The following GON4L variants were observed in gnomAD, a reference collection of about 807,000 sequenced individuals.
GON4L encodes GON-4-like protein.
A neutral mutation model predicts 211.8 loss-of-function variants in GON4L; 87 were observed. That is an observed-to-expected ratio of 0.41 (90% CI 0.35 to 0.49). GON4L has a LOEUF of 0.49. GON4L is among the 20% of genes least tolerant of loss of function. The pLI is 0.15. For missense variants in GON4L, 2,155 were observed against 2,659.5 expected (o/e 0.81, Z 4.17); for synonymous variants, 875 against 962.6 (o/e 0.91, Z 1.68).
At chr1:155,783,962 T>C in intron 14 of GON4L, 24 bp downstream of exon 14, 1 of 1,612,596 alleles carries the variant, frequency 6.2e-7, no homozygotes, top group Non-Finnish European at 8.5e-7. Context: ...CTATTCCAAA[T>C]CTCAAGGTCT....
At chr1:155,748,723 C>A (rs1398690917), downstream of GON4L, 1 of 1,614,032 alleles carries the variant, frequency 6.2e-7, no homozygotes, top group Non-Finnish European at 8.5e-7. Flanking sequence ...TGTGGGGAGC[C>A]TTCTGGAACA....
rs902471149 is a variant in GON4L, at chr1:155,776,431, G to A, written c.2142C>T (p.Asn714=). Residue 714 remains asparagine, a synonymous_variant, in exon 16 of 32, where the codon AAC becomes AAT. Transcript: ENST00000368331. The part of the protein sequence containing the change: ...QIHLLATCNP[N]LNPEATTTRI... ...TGGTGGTAGTGGCCTCCGGATTGAG[G>A]TTGGGGTTGCAGGTGGCAAGAAGGT... The A allele has an allele frequency of 6.2e-7, 1 of 1,613,258 alleles. No individual in the cohort carries two copies. The highest frequency in any genetic ancestry group is 1.7e-5 in the Admixed American group (1 of 60,004).
chr1:155,794,705 T>C (rs549762906), intron 12 of GON4L, among the ~76,000 whole-genome samples: 1 of 152,342 alleles, frequency 6.6e-6, no homozygotes, highest in East Asian at 1.9e-4. Flanking sequence ...TTATACCTTA[T>C]GTAAAACCTG....
At chr1:155,776,581 C>T in intron 15 of GON4L, 100 bp from the exon 16 acceptor site, 2 of 923,012 alleles carry the variant, frequency 2.2e-6, no homozygotes, top group Non-Finnish European at 3.5e-6. Context: ...GAAAGGATCT[C>T]TCTCTGTCAC....
chr1:155,833,577 T>C (rs1455851512), intron 2 of GON4L, among the ~76,000 whole-genome samples: 1 of 99,458 alleles, frequency 1.0e-5, no homozygotes, highest in Non-Finnish European at 1.9e-5. Flanking sequence ...ACCCGGGAGG[T>C]GGAGCTTGCA....
rs1263353896 is a variant in GON4L at position 155,777,829 on chromosome 1, A to T, written c.1893-9T>A. 1 of 1,571,062 alleles carries T rather than the reference A, an allele frequency of 6.4e-7. No individual in the cohort carries two copies. Among genetic ancestry groups the T allele is most frequent in the Non-Finnish European group, 8.8e-7 (1 of 1,141,678 alleles). On this transcript the variant is annotated splice_polypyrimidine_tract_variant and intron_variant, in intron 14 of 31. Coordinates refer to ENST00000368331, the MANE Select transcript of GON4L (RefSeq NM_001282860.2). ...CCAGTGGTTCCTCAAACCTATTCCC[A>T]ACAGGGAGATGACTGAATTTGAGTG...
chr1:155,843,394 T>C (rs1481016314), intron 2 of GON4L, among the ~76,000 whole-genome samples: 1 of 152,064 alleles, frequency 6.6e-6, no homozygotes, highest in Non-Finnish European at 1.5e-5. Context: ...TAATTGGCCA[T>C]AGTGTTCCTT....
chr1:155,755,948 G>GA lies in GON4L; in HGVS notation c.5517+1009dup, dbSNP rs763813544. 2.7e-4 allele frequency among the ~76,000 whole-genome samples: 36 copies of GA among 133,632 alleles called. No homozygotes were observed. In the East Asian group the frequency reaches 6.7e-3, roughly 25 times the overall value. 87.7% of individuals were successfully genotyped at this position (133,632 alleles called of 152,430 possible). A position where few individuals can be genotyped will look rare whatever the true frequency, so the allele number is the denominator to read the frequency against. ...AGAAGCAGTTTCTCCCCAGAAAAGA[G>GA]AAAAAACGCTTGGTCAGGAAACACG... On this transcript the variant is annotated intron_variant, in intron 27 of 31. Coordinates refer to ENST00000368331, the MANE Select transcript of GON4L (RefSeq NM_001282860.2).
At chr1:155,845,874 T>C (rs1197000328) in intron 2 of GON4L, 5 of 240,312 alleles carry the variant, frequency 2.1e-5, no homozygotes, top group Non-Finnish European at 3.4e-5. Flanking sequence ...GCTAAGGAAA[T>C]TGGAGTTAAA....
intron 2 of GON4L, among the ~76,000 whole-genome samples, chr1:155,849,112 C>A (rs904145717): frequency 7.4e-6 from 1 of 134,620 alleles, no homozygotes; most frequent in African/African-American, 2.8e-5. Context: ...CATGCCACTG[C>A]CCTCCAGCCT....
In GON4L at chr1:155,853,746, G is replaced by C; in HGVS notation, c.35C>G (p.Thr12Arg). Reference sequence around the variant, plus strand: ...ATTGCCTTTATGCTGTAGGGACTCTGTCACTGTAGTTCTTCTCTTCTTACA... The same window carrying C: ...ATTGCCTTTATGCTGTAGGGACTCTCTCACTGTAGTTCTTCTCTTCTTACA... ...LPCKKRRTTV[T>R]ESLQHKGNQE... is the part of the protein sequence containing the mutation. Residue 12 changes from threonine to arginine, a missense_variant, in exon 2 of 32, where the codon ACA becomes AGA. Coordinates refer to ENST00000368331, the MANE Select transcript of GON4L (RefSeq NM_001282860.2). 1 of 1,613,166 alleles carries C rather than the reference G, an allele frequency of 6.2e-7. No homozygotes were observed. The highest frequency in any genetic ancestry group is 8.5e-7 in the Non-Finnish European group (1 of 1,179,130).
intron 19 of GON4L, among the ~76,000 whole-genome samples, chr1:155,769,129 C>G (rs1438491523): frequency 6.6e-6 from 1 of 151,788 alleles, no homozygotes; most frequent in African/African-American, 2.4e-5. Context: ...GTGAGTGGCA[C>G]CATACCTGGT....
intron 2 of GON4L, among the ~76,000 whole-genome samples, chr1:155,834,572 G>C (rs1480406986): frequency 6.6e-6 from 1 of 152,082 alleles, no homozygotes; most frequent in Non-Finnish European, 1.5e-5. Flanking sequence ...CTGTTCGAAA[G>C]ACCCCGCTGA....
intron 2 of GON4L, among the ~76,000 whole-genome samples, chr1:155,841,659 G>A (rs879779031): frequency 3.3e-5 from 5 of 152,208 alleles, no homozygotes; most frequent in Admixed American, 3.3e-4. Flanking sequence ...CCCACCAAGG[G>A]ACATGAGGGA....
chr1:155,755,712 A>G lies in GON4L; in HGVS notation c.5518-1224T>C, dbSNP rs1661101045. ...TCACTGGAGAGCTCCATCATGAGAT[A>G]TAATGTCTTTGTTTCTGTCTCTCTG... On this transcript the variant is annotated intron_variant, in intron 27 of 31. Coordinates refer to ENST00000368331, the MANE Select transcript of GON4L (RefSeq NM_001282860.2). Among the ~76,000 whole-genome samples, 5 of 152,248 alleles carry G rather than the reference A, an allele frequency of 3.3e-5. No individual in the cohort carries two copies. In the South Asian group the frequency reaches 8.3e-4, roughly 25 times the overall value.
At chr1:155,809,849 A>C (rs193114838) in intron 10 of GON4L, among the ~76,000 whole-genome samples, 2 of 16,364 alleles carry the variant, frequency 1.2e-4, no homozygotes, top group Non-Finnish European at 3.9e-4. Context: ...CTTATATATA[A>C]TTATAAATTA....
At chr1:155,797,941 T>G (rs1398862363) in intron 11 of GON4L, among the ~76,000 whole-genome samples, 1 of 150,594 alleles carries the variant, frequency 6.6e-6, no homozygotes, top group Non-Finnish European at 1.5e-5. Flanking sequence ...ATTAGCCAAG[T>G]GTCGTGGTGT....
chr1:155,813,777 T>A lies in GON4L; in HGVS notation c.1309A>T (p.Arg437Trp). The change falls in exon 10 of 32, where the codon AGG becomes TGG. Residue 437 changes from arginine (R) to tryptophan (W), a missense_variant. Physicochemically the swap from Arg to Trp is moderately radical, Grantham distance 101 (BLOSUM62 -3). This residue lies in a region of GON4L where 551 missense variants were observed against 854.0 expected (regional missense o/e 0.65). Transcript: ENST00000368331. ...GGCACTACCTCAGCACTGATGTGCC[T>A]GATGGCTGGTGTGGTGACTTTCTCA... ...EAEKVTTPAI[R>W]HISAEVVPMG... is the part of the protein sequence containing the mutation. 2 of 1,613,872 alleles carry A rather than the reference T, an allele frequency of 1.2e-6. No homozygotes were observed. The highest frequency in any genetic ancestry group is 1.7e-6 in the Non-Finnish European group (2 of 1,179,802).
chr1:155,798,472 C>A (rs1273191304), intron 11 of GON4L, among the ~76,000 whole-genome samples: 8 of 141,274 alleles, frequency 5.7e-5, no homozygotes, highest in African/African-American at 1.9e-4. Flanking sequence ...CACAGAGGGG[C>A]GATCTCGGCT....
Sources: allele counts gnomAD v4.1 joint callset (sites outside exome capture counted in the v4.1 genomes callset), GRCh38; gene constraint gnomAD v4.1.1; regional missense constraint gnomAD v4.1.1; transcripts MANE v1.5; gene names NCBI Gene and HGNC (gene_info 2026-07-23, HGNC 2026-07-21).